ARPP19: variants seen among roughly 807,000 people sequenced by gnomAD.
The protein encoded by ARPP19 is cAMP-regulated phosphoprotein 19.
ARPP19 carries 8 observed loss-of-function variants against 12.0 expected under a neutral mutation model. The observed-to-expected ratio is 0.67, with a 90% CI of 0.39 to 1.21. The LOEUF (loss-of-function observed/expected upper bound fraction) is 1.21, where lower values mean the gene tolerates loss of function less well. Among genes scored for constraint, ARPP19 ranks in the 50% most tolerant of loss-of-function variants. The pLI, the probability that ARPP19 is intolerant of heterozygous loss-of-function variation, is 0.01. For synonymous variants in ARPP19, 47 were observed against 50.4 expected (o/e 0.93, Z 0.29); for missense variants, 102 against 136.3 (o/e 0.75, Z 1.25).
rs141582878 is a variant in ARPP19 at position 52,550,655 on chromosome 15, G to A, written c.*1279C>T. 5.0e-3 allele frequency: 755 copies of A among 152,128 alleles called. 8 individuals are homozygous for A. The highest frequency in any genetic ancestry group is 0.014 in the Middle Eastern group (4 of 294). 9.4% of individuals were successfully genotyped at this position (152,128 alleles called of 1,614,324 possible). ...AAAGAAGTTAACAACTGAGAAATTA[G>A]AAGGAAAACGCCATTATTGTGTTAT... is the stretch of plus-strand genomic sequence containing the variant. On this transcript the variant is annotated 3_prime_UTR_variant, in exon 3 of 3. Coordinates refer to ENST00000249822, the MANE Select transcript of ARPP19 (RefSeq NM_006628.6).
chr15:52,568,851 C>T lies in ARPP19; in HGVS notation c.42G>A (p.Gln14=), dbSNP rs1297144607. 1 of 1,573,520 alleles carries T rather than the reference C, an allele frequency of 6.4e-7. No individual in the cohort carries two copies. The highest frequency in any genetic ancestry group is 1.8e-5 in the Admixed American group (1 of 54,412). ...EVPEAASAEE[Q]KEMEDKVTSP... is the part of the protein sequence containing the mutation. ...GGCTCACGCCCCGCGCGCTCACCTT[C>T]TGCTCCTCCGCGGAGGCTGCCTCGG... is the stretch of plus-strand genomic sequence containing the variant. Residue 14 remains glutamine (Q), a synonymous_variant, in exon 1 of 3, where the codon CAG becomes CAA. Coordinates refer to ENST00000249822, the MANE Select transcript of ARPP19 (RefSeq NM_006628.6).
chr15:52,562,524 T>A (rs538777142), intron 1 of ARPP19, among the ~76,000 whole-genome samples: 6 of 152,142 alleles, frequency 3.9e-5, no homozygotes, highest in Admixed American at 1.3e-4. Flanking sequence ...AAAAATTAGA[T>A]AGGTGTCGTG....
At chr15:52,569,057 G>A (rs1450901989), upstream of ARPP19, 6 of 591,220 alleles carry the variant, frequency 1.0e-5, no homozygotes, top group East Asian at 2.1e-4. Flanking sequence ...ACGCTCCGCT[G>A]GCCAAGGCCC....
At chr15:52,556,621 A>T (rs748817653) in intron 2 of ARPP19, among the ~76,000 whole-genome samples, 11 of 152,170 alleles carry the variant, frequency 7.2e-5, no homozygotes, top group Non-Finnish European at 1.3e-4. Context: ...TAAGCTTTTG[A>T]ATGTTGTGTG....
At chr15:52,563,248 C>T (rs1034797943) in intron 1 of ARPP19, among the ~76,000 whole-genome samples, 4 of 152,090 alleles carry the variant, frequency 2.6e-5, no homozygotes, top group African/African-American at 9.7e-5. Flanking sequence ...AATTTTACTA[C>T]ATTTTAAAAA....
At position 52,549,709 on chromosome 15, in the gene ARPP19, A is replaced by G. The variant is rs1022095027; in HGVS notation, c.*2225T>C. 1 of 152,626 alleles carries G rather than the reference A, an allele frequency of 6.6e-6. No individual in the cohort carries two copies. The highest frequency in any genetic ancestry group is 2.4e-5 in the African/African-American group (1 of 41,446). The allele number at this position is 152,626 out of a possible 1,614,324, so 9.5% of individuals were successfully genotyped here. A position where few individuals can be genotyped will look rare whatever the true frequency, so the allele number is the denominator to read the frequency against. ...GTGGTCAGGAATAACATGGTCTCTGATCTTTCAGATTAATCTTTCATGTGT... is the reference window on the plus strand; with the variant it reads ...GTGGTCAGGAATAACATGGTCTCTGGTCTTTCAGATTAATCTTTCATGTGT... On this transcript the variant is annotated 3_prime_UTR_variant, in exon 3 of 3. Transcript: ENST00000249822.
intron 1 of ARPP19, among the ~76,000 whole-genome samples, chr15:52,567,906 C>A (rs1318179234): frequency 2.6e-5 from 4 of 152,092 alleles, no homozygotes; most frequent in Admixed American, 2.6e-4. Flanking sequence ...GCAACACAAC[C>A]TGATTTGTAA....
intron 1 of ARPP19, among the ~76,000 whole-genome samples, chr15:52,560,244 G>T (rs565958221): frequency 6.6e-6 from 1 of 151,460 alleles, no homozygotes; most frequent in East Asian, 1.9e-4. Context: ...TCATCTGCCC[G>T]CCTCGGCCTC....
chr15:52,562,870 T>G (rs2078047684), intron 1 of ARPP19, among the ~76,000 whole-genome samples: 1 of 148,126 alleles, frequency 6.8e-6, no homozygotes, highest in South Asian at 2.2e-4. Context: ...AAGAAGTTTT[T>G]TTTTTTTTTT....
At chr15:52,561,192 G>A (rs1205885139) in intron 1 of ARPP19, among the ~76,000 whole-genome samples, 1 of 152,138 alleles carries the variant, frequency 6.6e-6, no homozygotes, top group Admixed American at 6.5e-5. Context: ...CACGTTTCTG[G>A]ACCTCAAGGG....
intron 1 of ARPP19, among the ~76,000 whole-genome samples, chr15:52,559,443 CAACTT>C (rs2078012532): frequency 6.6e-6 from 1 of 152,194 alleles, no homozygotes; most frequent in Non-Finnish European, 1.5e-5. Flanking sequence ...AGCTAGCACT[CAACTT>C]AAGAATCACC....
At chr15:52,564,320 G>T (rs1167372111) in intron 1 of ARPP19, 3 of 1,131,544 alleles carry the variant, frequency 2.7e-6, no homozygotes, top group African/African-American at 1.5e-5. Flanking sequence ...GGCTGAGGTG[G>T]GAGGCTAGGT....
chr15:52,557,178 T>G lies in ARPP19; in HGVS notation c.90A>C (p.Ala30=). 6.2e-7 allele frequency: 1 copy of G among 1,611,618 alleles called. No homozygotes were observed. The highest frequency in any genetic ancestry group is 1.1e-5 in the South Asian group (1 of 91,030). The change falls in exon 2 of 3, where the codon GCA becomes GCC. Residue 30 remains alanine (A), a synonymous_variant. Coordinates refer to ENST00000249822, the MANE Select transcript of ARPP19 (RefSeq NM_006628.6). ...KVTSPEKAEE[A]KLKARYPHLG... ...GATGAGGATATCTTGCTTTTAATTT[T>G]GCTTCTTCTGCTTTCTCTGGACTAG...
At chr15:52,557,480 A>C in intron 1 of ARPP19, 1 of 361,366 alleles carries the variant, frequency 2.8e-6, no homozygotes, top group Non-Finnish European at 5.0e-6. Context: ...TCAGCTCTGA[A>C]GTCTTGCTTG....
At chr15:52,559,011 T>C (rs1445388941) in intron 1 of ARPP19, among the ~76,000 whole-genome samples, 1 of 152,208 alleles carries the variant, frequency 6.6e-6, no homozygotes, top group Admixed American at 6.5e-5. Context: ...ATATTATCAG[T>C]ATTTCATCCT....
chr15:52,566,702 C>T (rs2078085368), intron 1 of ARPP19, among the ~76,000 whole-genome samples: 1 of 152,156 alleles, frequency 6.6e-6, no homozygotes, highest in Non-Finnish European at 1.5e-5. Context: ...TCCCAAAGTG[C>T]CAGAATTATA....
At chr15:52,557,918 A>G (rs1220277725) in intron 1 of ARPP19, among the ~76,000 whole-genome samples, 2 of 151,992 alleles carry the variant, frequency 1.3e-5, no homozygotes, top group African/African-American at 2.4e-5. Context: ...ATTTTTGTCA[A>G]TCCTCACATC....
chr15:52,560,088 T>TA lies in ARPP19; in HGVS notation c.46-2867dup, dbSNP rs201457003. On this transcript the variant is annotated intron_variant, in intron 1 of 2. Transcript: ENST00000249822. ...GGAAAATTGTATGTAGGTAGCAACT[T>TA]ACTCTGGTTTCCAGTGTTTCTGCAG... 5.4e-3 allele frequency among the ~76,000 whole-genome samples: 830 copies of TA among 152,352 alleles called. 25 individuals are homozygous for TA. Among genetic ancestry groups the TA allele is most frequent in the South Asian group, 2.1e-3 (10 of 4,830 alleles).
In ARPP19 at chr15:52,548,440, T is replaced by A. The variant is rs909003640; in HGVS notation, c.*3494A>T. ...AGGCAGAGGTTGCAGTGAGCCAAGA[T>A]CGCACCACTGCACTCCAGCCTGGGC... is the stretch of plus-strand genomic sequence containing the variant. On this transcript the variant is annotated 3_prime_UTR_variant, in exon 3 of 3. Transcript: ENST00000249822. The A allele has an allele frequency of 2.7e-5, 4 of 150,856 alleles. No individual in the cohort carries two copies. The highest frequency in any genetic ancestry group is 5.9e-5 in the Non-Finnish European group (4 of 67,900). 9.3% of individuals were successfully genotyped at this position (150,856 alleles called of 1,614,324 possible).
Sources: gnomAD v4.1 joint callset for allele counts (sites outside exome capture counted in the v4.1 genomes callset) on GRCh38, gnomAD v4.1.1 for gene constraint, MANE v1.5 for transcripts, NCBI Gene and HGNC (gene_info 2026-07-23, HGNC 2026-07-21) for gene names.